LDAH: variants seen among roughly 807,000 people sequenced by gnomAD.
LDAH encodes lipid droplet-associated hydrolase.
Under a neutral mutation model 29.6 loss-of-function variants are expected in LDAH, and 26 were observed. The ratio of observed to expected loss-of-function variants is 0.88; its 90% CI spans 0.64 to 1.22. The LOEUF is 1.22. LDAH is among the 50% of genes most tolerant of loss of function. LDAH has a pLI of 0.00. For missense variants in LDAH, 344 were observed against 387.3 expected (o/e 0.89, Z 0.94); for synonymous variants, 117 against 133.0 (o/e 0.88, Z 0.83).
intron 3 of LDAH, among the ~76,000 whole-genome samples, chr2:20,788,276 T>C (rs1670697119): frequency 6.6e-6 from 1 of 152,244 alleles, no homozygotes; most frequent in South Asian, 2.1e-4. Flanking sequence ...ACTGTTTATC[T>C]GACGTGCAAC....
intron 4 of LDAH, among the ~76,000 whole-genome samples, chr2:20,771,116 A>G (rs1669382859): frequency 6.6e-6 from 1 of 152,220 alleles, no homozygotes; most frequent in Non-Finnish European, 1.5e-5. Context: ...ATTTGTTTAG[A>G]TAAACAACTT....
At position 20,686,716 on chromosome 2, in the gene LDAH, T is replaced by C. The variant is rs914887542; in HGVS notation, c.*187A>G. On this transcript the variant is annotated 3_prime_UTR_variant, in exon 7 of 7. Coordinates refer to ENST00000237822, the MANE Select transcript of LDAH (RefSeq NM_021925.4). The stretch of plus-strand genomic sequence containing the variant: ...CTTGGAAAATGTATGGTTAAACCTA[T>C]GGAATGATTCATCAACTGTGTTTAC... 2.7e-5 allele frequency: 14 copies of C among 520,548 alleles called. 1 individual carries two copies. Among genetic ancestry groups the C allele is most frequent in the South Asian group, 5.0e-5 (2 of 39,944 alleles). 32.2% of individuals were successfully genotyped at this position (520,548 alleles called of 1,614,324 possible).
Position 20,773,167 on chromosome 2 carries a change from G to A in LDAH, c.468+1643C>T, listed in dbSNP as rs184090588. On this transcript the variant is annotated intron_variant, in intron 4 of 6. Transcript: ENST00000237822. ...GCTAATACTTATTTGGAACTTTAAA[G>A]TTACAGATACCATTCTTGATGCTTT... Among the ~76,000 whole-genome samples the A allele has an allele frequency of 6.6e-5, 10 of 152,198 alleles. No individual in the cohort carries two copies. The East Asian group carries it at 1.9e-3, about 29-fold the overall frequency.
At chr2:20,731,486 T>C (rs1277896388) in intron 5 of LDAH, among the ~76,000 whole-genome samples, 1 of 152,184 alleles carries the variant, frequency 6.6e-6, no homozygotes. Context: ...GTGAGCCAAT[T>C]AAACCTCTTT....
intron 6 of LDAH, among the ~76,000 whole-genome samples, chr2:20,697,442 T>C (rs2149345113): frequency 6.6e-6 from 1 of 152,340 alleles, no homozygotes; most frequent in East Asian, 1.9e-4. Flanking sequence ...ATAATCCCTC[T>C]CATTTGTTAA....
chr2:20,794,900 GGAAAATGC>G (rs1264934019), intron 2 of LDAH, among the ~76,000 whole-genome samples: 2 of 152,112 alleles, frequency 1.3e-5, no homozygotes, highest in African/African-American at 2.4e-5. Flanking sequence ...AGACAGAAGT[GGAAAATGC>G]AATGCAAAAT....
intron 5 of LDAH, among the ~76,000 whole-genome samples, chr2:20,737,570 G>C (rs141887151): frequency 1.2e-4 from 19 of 152,154 alleles, no homozygotes; most frequent in Non-Finnish European, 2.5e-4. Flanking sequence ...AGGTAGACTG[G>C]CCCTAACTCT....
At chr2:20,728,135 A>G (rs1027688805) in intron 5 of LDAH, among the ~76,000 whole-genome samples, 1 of 152,228 alleles carries the variant, frequency 6.6e-6, no homozygotes, top group Non-Finnish European at 1.5e-5. Context: ...TTCTATCTAG[A>G]TAGGGCAGGA....
At chr2:20,782,943 T>C (rs1670297971) in intron 3 of LDAH, among the ~76,000 whole-genome samples, 2 of 152,206 alleles carry the variant, frequency 1.3e-5, no homozygotes, top group Non-Finnish European at 1.5e-5. Flanking sequence ...TCTTCTCTAA[T>C]ACATGCAGTC....
At chr2:20,689,200 C>A (rs1229415148) in intron 6 of LDAH, among the ~76,000 whole-genome samples, 2 of 152,144 alleles carry the variant, frequency 1.3e-5, no homozygotes, top group Non-Finnish European at 2.9e-5. Flanking sequence ...AGTATTCCAG[C>A]TTCATGGAGG....
At chr2:20,711,866 GCAAA>G (rs1325034126) in intron 5 of LDAH, among the ~76,000 whole-genome samples, 2 of 152,224 alleles carry the variant, frequency 1.3e-5, no homozygotes, top group Non-Finnish European at 2.9e-5. Flanking sequence ...TCTTGAGTAG[GCAAA>G]CAAAGCGGCC....
chr2:20,736,596 C>T lies in LDAH; in HGVS notation c.703+3375G>A, dbSNP rs558260028. ...ACTGAGTATTTTGAGAAACTGAAGA[C>T]ACAGGAGAAGCTCTAAAAATGGAGA... is the stretch of plus-strand genomic sequence containing the variant. On this transcript the variant is annotated intron_variant, in intron 5 of 6. Transcript: ENST00000237822. Among the ~76,000 whole-genome samples the T allele has an allele frequency of 2.6e-5, 4 of 152,230 alleles. No individual in the cohort carries two copies. The South Asian group carries it at 8.3e-4, about 32-fold the overall frequency.
chr2:20,684,764 C>A lies in LDAH; in HGVS notation c.*2139G>T, dbSNP rs193153644. On this transcript the variant is annotated 3_prime_UTR_variant, in exon 7 of 7. Transcript: ENST00000237822. ...AATCGCTGAGCACTCGGTAACTCTG[C>A]AGGAAGTTAAAACTTTCACAAAGAC... The A allele has an allele frequency of 3.4e-6, 4 of 1,167,032 alleles. No homozygotes were observed. Among genetic ancestry groups the A allele is most frequent in the African/African-American group, 3.1e-5 (2 of 64,876 alleles). The allele number at this position is 1,167,032 out of a possible 1,614,324, so 72.3% of individuals were successfully genotyped here.
At chr2:20,759,769 G>A (rs1668554124) in intron 4 of LDAH, among the ~76,000 whole-genome samples, 2 of 152,144 alleles carry the variant, frequency 1.3e-5, no homozygotes, top group African/African-American at 4.8e-5. Flanking sequence ...GAGGCTCTAT[G>A]AATGTGCTCT....
chr2:20,717,310 T>TC (rs1196394646), intron 5 of LDAH, among the ~76,000 whole-genome samples: 4 of 152,070 alleles, frequency 2.6e-5, no homozygotes, highest in African/African-American at 9.7e-5. Flanking sequence ...AATGAGACAA[T>TC]CCACAGAGTG....
At chr2:20,733,553 G>A (rs943771315) in intron 5 of LDAH, among the ~76,000 whole-genome samples, 4 of 151,928 alleles carry the variant, frequency 2.6e-5, no homozygotes, top group African/African-American at 7.3e-5. Context: ...ACAGGTGTGC[G>A]ACACCATGCC....
chr2:20,753,907 T>C lies in LDAH; in HGVS notation c.469-13702A>G, dbSNP rs144817247. Among the ~76,000 whole-genome samples, 280 of 152,328 alleles carry C rather than the reference T, an allele frequency of 1.8e-3. 3 individuals are homozygous for C. The highest frequency in any genetic ancestry group is 0.016 in the Admixed American group (244 of 15,304). On this transcript the variant is annotated intron_variant, in intron 4 of 6. Transcript: ENST00000237822. The stretch of plus-strand genomic sequence containing the variant: ...TTTATCACCAAAATCAATATGGTAA[T>C]GAATCATATACCTTTAATAAATCCG...
chr2:20,808,374 A>G (rs1239471791), intron 1 of LDAH, among the ~76,000 whole-genome samples: 1 of 152,180 alleles, frequency 6.6e-6, no homozygotes, highest in Non-Finnish European at 1.5e-5. Flanking sequence ...AAGAATAACA[A>G]GACAAGGCCG....
At chr2:20,718,093 G>T (rs1347842890) in intron 5 of LDAH, among the ~76,000 whole-genome samples, 2 of 152,152 alleles carry the variant, frequency 1.3e-5, no homozygotes. Context: ...CAAATAAAGA[G>T]AGTAAGAAAG....
Sources: gnomAD v4.1 joint callset for allele counts (sites outside exome capture counted in the v4.1 genomes callset) on GRCh38, gnomAD v4.1.1 for gene constraint, MANE v1.5 for transcripts, NCBI Gene and HGNC (gene_info 2026-07-23, HGNC 2026-07-21) for gene names.